Variants in CAPZB observed in about 807,000 individuals in gnomAD.
CAPZB encodes the protein capping actin protein of muscle Z-line subunit beta, also known as F-actin-capping protein subunit beta.
A neutral mutation model predicts 38.1 loss-of-function variants in CAPZB; 2 were observed. The observed-to-expected ratio is 0.05, with a 90% CI of 0.02 to 0.17. CAPZB has a LOEUF of 0.17. CAPZB is among the 10% of genes least tolerant of loss of function. The pLI, the probability that CAPZB is intolerant of heterozygous loss-of-function variation, is 1.00. For synonymous variants in CAPZB, 107 were observed against 127.4 expected (o/e 0.84, Z 1.08); for missense variants, 161 against 334.2 (o/e 0.48, Z 4.04).
intron 2 of CAPZB, among the ~76,000 whole-genome samples, chr1:19,392,200 A>T (rs1482942247): frequency 5.0e-5 from 1 of 20,122 alleles, no homozygotes; most frequent in East Asian, 8.7e-4. Flanking sequence ...AAAAAAAAAA[A>T]AAAAAAGAGG....
chr1:19,423,870 T>C (rs1284575879), intron 1 of CAPZB, among the ~76,000 whole-genome samples: 1 of 152,058 alleles, frequency 6.6e-6, no homozygotes, highest in Non-Finnish European at 1.5e-5. Context: ...AGAGATGGGG[T>C]TTCACCATGC....
intron 2 of CAPZB, among the ~76,000 whole-genome samples, chr1:19,416,526 G>A (rs1225679923): frequency 1.3e-5 from 2 of 152,032 alleles, no homozygotes; most frequent in African/African-American, 2.4e-5. Context: ...CTGGGCACAC[G>A]GCAGGTATTC....
intron 1 of CAPZB, chr1:19,484,820 G>T: frequency 2.4e-6 from 1 of 411,628 alleles, no homozygotes; most frequent in Non-Finnish European, 3.3e-6. Flanking sequence ...CCAGACGGGG[G>T]CCATGGGCGG....
chr1:19,478,398 C>G (rs370420901), intron 1 of CAPZB, among the ~76,000 whole-genome samples: 2 of 152,258 alleles, frequency 1.3e-5, no homozygotes, highest in Non-Finnish European at 2.9e-5. Flanking sequence ...CACACATAAA[C>G]TCAGTCCTCA....
intron 2 of CAPZB, among the ~76,000 whole-genome samples, chr1:19,408,071 A>G (rs185265670): frequency 6.6e-6 from 1 of 152,146 alleles, no homozygotes; most frequent in African/African-American, 2.4e-5. Context: ...AGGGCCTCTT[A>G]ATCTCCTTCC....
chr1:19,431,326 C>G (rs2094441077), intron 1 of CAPZB, among the ~76,000 whole-genome samples: 1 of 152,202 alleles, frequency 6.6e-6, no homozygotes, highest in African/African-American at 2.4e-5. Context: ...CCAAAGAAGT[C>G]TCAAATCCAA....
intron 2 of CAPZB, among the ~76,000 whole-genome samples, chr1:19,404,085 T>A (rs1465831254): frequency 6.6e-6 from 1 of 151,508 alleles, no homozygotes; most frequent in Non-Finnish European, 1.5e-5. Context: ...ATACAAAAAT[T>A]AGCTGGCTAT....
At chr1:19,483,861 C>T (rs1372208261) in intron 1 of CAPZB, among the ~76,000 whole-genome samples, 5 of 152,214 alleles carry the variant, frequency 3.3e-5, no homozygotes, top group South Asian at 2.1e-4. Flanking sequence ...CAAAAGAAAG[C>T]TTAACCCATC....
At chr1:19,450,143 CCAAAAAA>C (rs1480088949) in intron 1 of CAPZB, among the ~76,000 whole-genome samples, 1 of 39,042 alleles carries the variant, frequency 2.6e-5, no homozygotes, top group Non-Finnish European at 5.2e-5. Flanking sequence ...GACCCTGTCT[CCAAAAAA>C]AAAAAAAAAA....
intron 1 of CAPZB, chr1:19,484,248 G>C: frequency 6.2e-7 from 1 of 1,612,564 alleles, no homozygotes; most frequent in Non-Finnish European, 8.5e-7. Flanking sequence ...ACAGTTCAGA[G>C]GGAAGGGGAG....
intron 1 of CAPZB, among the ~76,000 whole-genome samples, chr1:19,455,004 G>A (rs959384170): frequency 1.3e-5 from 2 of 152,238 alleles, no homozygotes; most frequent in African/African-American, 4.8e-5. Flanking sequence ...CAGGACACCG[G>A]TCCCGCAAAG....
chr1:19,369,063 C>A (rs2094106557), intron 4 of CAPZB, among the ~76,000 whole-genome samples: 1 of 152,204 alleles, frequency 6.6e-6, no homozygotes, highest in African/African-American at 2.4e-5. Context: ...GCATCAGAGT[C>A]CCTGATGCTG....
At chr1:19,430,162 C>T (rs916571037) in intron 1 of CAPZB, among the ~76,000 whole-genome samples, 2 of 152,168 alleles carry the variant, frequency 1.3e-5, no homozygotes, top group African/African-American at 4.8e-5. Context: ...GCAGCACTAG[C>T]AGAGTCCCCA....
At chr1:19,360,587 C>T (rs1157538411) in intron 4 of CAPZB, among the ~76,000 whole-genome samples, 2 of 152,228 alleles carry the variant, frequency 1.3e-5, no homozygotes, top group Non-Finnish European at 1.5e-5. Context: ...CAGCCCTTGT[C>T]GACACCCTCC....
chr1:19,424,678 C>T (rs2094415779), intron 1 of CAPZB: 1 of 152,306 alleles, frequency 6.6e-6, no homozygotes, highest in South Asian at 2.1e-4. Flanking sequence ...CACTAGACGT[C>T]TGTGTGCTTT....
intron 8 of CAPZB, among the ~76,000 whole-genome samples, chr1:19,341,823 C>A (rs2093930840): frequency 6.6e-6 from 1 of 152,236 alleles, no homozygotes; most frequent in South Asian, 2.1e-4. Flanking sequence ...CCCACGGCCT[C>A]GGAAAAGCAG....
intron 1 of CAPZB, among the ~76,000 whole-genome samples, chr1:19,426,397 C>T (rs1413526072): frequency 6.6e-6 from 1 of 151,942 alleles, no homozygotes; most frequent in African/African-American, 2.4e-5. Flanking sequence ...ATCCCACATG[C>T]TCCTCTTGCA....
intron 1 of CAPZB, among the ~76,000 whole-genome samples, chr1:19,464,453 G>A (rs1469538293): frequency 5.9e-5 from 9 of 151,636 alleles, no homozygotes; most frequent in Admixed American, 2.6e-4. Context: ...CACCATGCCC[G>A]GCTAATTTTT....
chr1:19,427,309 A>C (rs562893384), intron 1 of CAPZB, among the ~76,000 whole-genome samples: 6 of 152,192 alleles, frequency 3.9e-5, no homozygotes, highest in Non-Finnish European at 8.8e-5. Context: ...CCAAAGCTTC[A>C]AGGCCTTCAG....
Sources: gnomAD v4.1 joint callset for allele counts (sites outside exome capture counted in the v4.1 genomes callset) on GRCh38, gnomAD v4.1.1 for gene constraint, MANE v1.5 for transcripts, NCBI Gene and HGNC (gene_info 2026-07-23, HGNC 2026-07-21) for gene names.